The following OR51B5 variants were observed in gnomAD, a reference collection of about 807,000 sequenced individuals.
OR51B5 encodes the protein olfactory receptor family 51 subfamily B member 5.
For synonymous variants in OR51B5, 186 were observed against 144.8 expected (o/e 1.28, Z -2.04); for missense variants, 456 against 374.6 (o/e 1.22, Z -1.79).
At chr11:5,448,548 G>A (rs2133782220) in intron 1 of OR51B5, among the ~76,000 whole-genome samples, 1 of 152,254 alleles carries the variant, frequency 6.6e-6, no homozygotes, top group Admixed American at 6.5e-5. Context: ...GGAGTTATAA[G>A]CAACCACACA....
intron 1 of OR51B5, among the ~76,000 whole-genome samples, chr11:5,367,541 ACT>A: frequency 1.3e-5 from 2 of 152,278 alleles, no homozygotes; most frequent in Middle Eastern, 3.4e-3. Context: ...AGCAGTGAGG[ACT>A]ACCAGAGGTC....
chr11:5,424,650 AC>A (rs1397663208), intron 1 of OR51B5, among the ~76,000 whole-genome samples: 9 of 151,620 alleles, frequency 5.9e-5, no homozygotes, highest in Admixed American at 2.0e-4. Context: ...TTCACTGGGG[AC>A]CCCTGGCTGC....
chr11:5,370,731 G>T (rs536284926), intron 1 of OR51B5, among the ~76,000 whole-genome samples: 1 of 152,012 alleles, frequency 6.6e-6, no homozygotes, highest in East Asian at 1.9e-4. Context: ...GTATTTTAAC[G>T]GAAAGGAAAT....
In OR51B5 at chr11:5,491,524, G is replaced by A. The variant is rs373480377; in HGVS notation, n.84+14045C>T. 2.0e-5 allele frequency among the ~76,000 whole-genome samples: 3 copies of A among 152,174 alleles called. No homozygotes were observed. In the East Asian group the frequency reaches 5.8e-4, roughly 29 times the overall value. ...GAGGTACCAGGCAATGGTGCAGGAA[G>A]GAGACAGCAAAGAGGATTACTGAAA... is the stretch of plus-strand genomic sequence containing the variant. On this transcript the variant is annotated intron_variant and non_coding_transcript_variant, in intron 1 of 4. Coordinates refer to the OR51B5 transcript ENST00000415970.
chr11:5,392,940 A>G (rs1417089274), intron 1 of OR51B5: 4 of 152,180 alleles, frequency 2.6e-5, no homozygotes, highest in Non-Finnish European at 5.9e-5. Context: ...AAATAAATAA[A>G]TATCTGTGCT....
intron 1 of OR51B5, among the ~76,000 whole-genome samples, chr11:5,421,560 T>G (rs1850338287): frequency 6.6e-6 from 1 of 152,386 alleles, no homozygotes; most frequent in South Asian, 2.1e-4. Flanking sequence ...GTTTCCTCCC[T>G]TATTTCCAGT....
intron 1 of OR51B5, among the ~76,000 whole-genome samples, chr11:5,500,038 A>G (rs1851696121): frequency 6.6e-6 from 1 of 152,202 alleles, no homozygotes; most frequent in South Asian, 2.1e-4. Context: ...GGTATAAGAG[A>G]CAGTGAGCTC....
At chr11:5,413,837 C>G (rs377011436) in intron 1 of OR51B5, among the ~76,000 whole-genome samples, 43 of 151,744 alleles carry the variant, frequency 2.8e-4, no homozygotes, top group African/African-American at 8.9e-4. Flanking sequence ...GGGGAGAATG[C>G]AACCAAGTTG....
At chr11:5,485,265 TCAC>T (rs1851482546) in intron 1 of OR51B5, among the ~76,000 whole-genome samples, 1 of 152,186 alleles carries the variant, frequency 6.6e-6, no homozygotes, top group African/African-American at 2.4e-5. Flanking sequence ...AACCTTCCTC[TCAC>T]GTTTTCTAAG....
intron 1 of OR51B5, among the ~76,000 whole-genome samples, chr11:5,504,015 G>A (rs571940277): frequency 1.3e-5 from 2 of 152,056 alleles, no homozygotes; most frequent in African/African-American, 2.4e-5. Context: ...TAATATCTGC[G>A]CTAAAGGACT....
intron 1 of OR51B5, among the ~76,000 whole-genome samples, chr11:5,439,945 T>G (rs1381475296): frequency 6.6e-6 from 1 of 152,186 alleles, no homozygotes; most frequent in African/African-American, 2.4e-5. Flanking sequence ...ATACTTGGAA[T>G]AGTACTGTTC....
At chr11:5,450,220 C>A (rs1850823658) in intron 1 of OR51B5, among the ~76,000 whole-genome samples, 1 of 151,654 alleles carries the variant, frequency 6.6e-6, no homozygotes, top group Non-Finnish European at 1.5e-5. Flanking sequence ...GAAACCCTGT[C>A]TCTATTAAAA....
intron 1 of OR51B5, chr11:5,390,636 G>A: frequency 2.4e-6 from 1 of 415,300 alleles, no homozygotes; most frequent in South Asian, 6.3e-5. Flanking sequence ...TTTATTGAAG[G>A]TCATCATCAA....
At chr11:5,454,374 A>G in intron 1 of OR51B5, 2 of 1,613,134 alleles carry the variant, frequency 1.2e-6, no homozygotes, top group Non-Finnish European at 1.7e-6. Context: ...TAGCGCCAAG[A>G]CAAAGGAAAT....
intron 1 of OR51B5, among the ~76,000 whole-genome samples, chr11:5,353,881 A>C (rs1395543036): frequency 1.3e-5 from 2 of 152,204 alleles, no homozygotes; most frequent in Admixed American, 1.3e-4. Context: ...AAAATAAAAT[A>C]ATACCTTCAC....
chr11:5,362,348 C>A (rs1849296604), intron 1 of OR51B5, among the ~76,000 whole-genome samples: 1 of 152,200 alleles, frequency 6.6e-6, no homozygotes, highest in South Asian at 2.1e-4. Flanking sequence ...GAGCCATAAT[C>A]AACTACGAAG....
intron 1 of OR51B5, among the ~76,000 whole-genome samples, chr11:5,465,122 C>A (rs1210869802): frequency 7.4e-6 from 1 of 134,698 alleles, no homozygotes; most frequent in Non-Finnish European, 1.6e-5. Flanking sequence ...AGGAGAATGG[C>A]GTGAACCCGG....
chr11:5,399,709 G>A (rs1849938032), intron 1 of OR51B5, among the ~76,000 whole-genome samples: 1 of 151,076 alleles, frequency 6.6e-6, no homozygotes, highest in Admixed American at 6.6e-5. Flanking sequence ...CTCTTTCAAG[G>A]AGATCTGACC....
At chr11:5,405,318 T>G (rs1327693486) in intron 1 of OR51B5, among the ~76,000 whole-genome samples, 1 of 152,178 alleles carries the variant, frequency 6.6e-6, no homozygotes, top group African/African-American at 2.4e-5. Flanking sequence ...AGACCTAGCA[T>G]TGGAATGTAC....
Sources: gnomAD v4.1 joint callset for allele counts (sites outside exome capture counted in the v4.1 genomes callset) on GRCh38, gnomAD v4.1.1 for gene constraint, MANE v1.5 for transcripts, NCBI Gene and HGNC (gene_info 2026-07-23, HGNC 2026-07-21) for gene names.